The following SMYD3 variants were observed in gnomAD, a reference collection of about 807,000 sequenced individuals.
SMYD3 encodes the protein SET and MYND domain containing 3.
SMYD3 carries 36 observed loss-of-function variants against 57.7 expected under a neutral mutation model. That is an observed-to-expected ratio of 0.62 (90% confidence interval 0.48 to 0.82). The LOEUF is 0.82. Among genes scored for constraint, SMYD3 ranks in the 40% least tolerant of loss-of-function variants. The pLI, the probability that SMYD3 is intolerant of heterozygous loss-of-function variation, is 0.00. For missense variants in SMYD3, 515 were observed against 538.8 expected, an observed-to-expected ratio of 0.96 and a Z score of 0.44; for synonymous variants, 211 against 195.0, an observed-to-expected ratio of 1.08 and a Z score of -0.68.
intron 5 of SMYD3, among the ~76,000 whole-genome samples, chr1:246,213,538 C>T (rs1213213266): frequency 1.3e-5 from 2 of 152,162 alleles, no homozygotes; most frequent in Non-Finnish European, 2.9e-5. Flanking sequence ...ACAGAACATT[C>T]TCAGGCCCTG....
intron 1 of SMYD3, among the ~76,000 whole-genome samples, chr1:246,439,396 C>T (rs1259497246): frequency 6.6e-6 from 1 of 152,224 alleles, no homozygotes; most frequent in Non-Finnish European, 1.5e-5. Context: ...CATGTATCTT[C>T]ACCTTGGAAA....
At chr1:245,972,620 C>A (rs1276500324) in intron 5 of SMYD3, among the ~76,000 whole-genome samples, 1 of 152,240 alleles carries the variant, frequency 6.6e-6, no homozygotes, top group East Asian at 1.9e-4. Flanking sequence ...CCTCCCCCAA[C>A]CCCTGGAATC....
At chr1:246,033,491 A>G (rs1343526342) in intron 5 of SMYD3, among the ~76,000 whole-genome samples, 1 of 152,186 alleles carries the variant, frequency 6.6e-6, no homozygotes, top group Non-Finnish European at 1.5e-5. Context: ...TCAAATGTCA[A>G]AACATCAATG....
chr1:246,326,433 C>T, intron 5 of SMYD3: 1 of 670,376 alleles, frequency 1.5e-6, no homozygotes, highest in Non-Finnish European at 2.7e-6. Context: ...TCGCACTCTT[C>T]CTCCCTAGGC....
At chr1:246,185,870 T>C (rs2062632335) in intron 5 of SMYD3, among the ~76,000 whole-genome samples, 1 of 152,220 alleles carries the variant, frequency 6.6e-6, no homozygotes, top group Non-Finnish European at 1.5e-5. Flanking sequence ...TTTACATACA[T>C]AACATACTTT....
intron 11 of SMYD3, among the ~76,000 whole-genome samples, chr1:245,763,722 G>A (rs1034271455): frequency 6.6e-6 from 1 of 152,194 alleles, no homozygotes; most frequent in Admixed American, 6.5e-5. Context: ...CTTGCTAAAC[G>A]TGGAGAGGGC....
chr1:246,166,051 CCAGA>C (rs2062204354), intron 5 of SMYD3, among the ~76,000 whole-genome samples: 2 of 152,018 alleles, frequency 1.3e-5, no homozygotes, highest in South Asian at 4.2e-4. Flanking sequence ...ATTACCTACA[CCAGA>C]CAAACTGCTT....
At position 246,000,909 on chromosome 1, in the gene SMYD3, TACATTCC is replaced by T. The variant is rs1308907975; in HGVS notation, c.532-70979_532-70973del. Among the ~76,000 whole-genome samples, 5 of 152,366 alleles carry T rather than the reference TACATTCC, an allele frequency of 3.3e-5. 1 individual carries two copies. In the South Asian group the frequency reaches 1.0e-3, roughly 32 times the overall value. Reference sequence around the variant, plus strand: ...GTTTGGAAACAGAAGATCACATTTCTACATTCCACATAGATCGAAAGTCTAGCTAACT... The same window carrying T: ...GTTTGGAAACAGAAGATCACATTTCTACATAGATCGAAAGTCTAGCTAACT... On this transcript the variant is annotated intron_variant, in intron 5 of 11. Transcript: ENST00000490107.
chr1:246,109,338 A>T (rs1052666956), intron 5 of SMYD3, among the ~76,000 whole-genome samples: 12 of 152,228 alleles, frequency 7.9e-5, no homozygotes, highest in African/African-American at 2.9e-4. Context: ...ATTCATTACC[A>T]TATAACTGGA....
At chr1:246,200,274 C>A (rs1400113886) in intron 5 of SMYD3, among the ~76,000 whole-genome samples, 42 of 150,212 alleles carry the variant, frequency 2.8e-4, no homozygotes, top group South Asian at 4.3e-4. Flanking sequence ...AGTGTAGACG[C>A]TGAGCGAGAA....
At chr1:246,299,869 A>G (rs1005303698) in intron 5 of SMYD3, among the ~76,000 whole-genome samples, 2 of 151,292 alleles carry the variant, frequency 1.3e-5, no homozygotes, top group African/African-American at 4.9e-5. Flanking sequence ...AGGATCAGGA[A>G]AAACGACTAC....
At chr1:246,296,625 G>A (rs1157606353) in intron 5 of SMYD3, among the ~76,000 whole-genome samples, 1 of 151,932 alleles carries the variant, frequency 6.6e-6, no homozygotes, top group African/African-American at 2.4e-5. Flanking sequence ...CTCATTTTCT[G>A]TAAGTCATTT....
At chr1:246,474,433 C>A (rs1485003732) in intron 1 of SMYD3, among the ~76,000 whole-genome samples, 1 of 147,606 alleles carries the variant, frequency 6.8e-6, no homozygotes, top group African/African-American at 2.5e-5. Context: ...GCAGGAGAAT[C>A]GCTTGAACCC....
At chr1:246,417,147 G>A (rs373816955) in intron 1 of SMYD3, 49 of 152,232 alleles carry the variant, frequency 3.2e-4, no homozygotes, top group African/African-American at 1.1e-3. Context: ...ACAAACTACT[G>A]TCTGCTCCTT....
chr1:246,025,962 T>C (rs1215061698), intron 5 of SMYD3: 1 of 152,152 alleles, frequency 6.6e-6, no homozygotes, highest in African/African-American at 2.4e-5. Context: ...TAAAACACTG[T>C]CTCTACTAAA....
chr1:246,078,739 A>G (rs1187838219), intron 5 of SMYD3, among the ~76,000 whole-genome samples: 1 of 152,204 alleles, frequency 6.6e-6, no homozygotes, highest in Non-Finnish European at 1.5e-5. Flanking sequence ...GCTGAAGAAA[A>G]ACACCTAGCT....
At chr1:245,946,535 G>A (rs2057433630) in intron 5 of SMYD3, among the ~76,000 whole-genome samples, 1 of 152,164 alleles carries the variant, frequency 6.6e-6, no homozygotes, top group African/African-American at 2.4e-5. Context: ...TGAAAGAAAG[G>A]TAAGAGAACT....
Position 246,083,349 on chromosome 1 carries a change from G to A in SMYD3, c.532-153412C>T, listed in dbSNP as rs973801211. On this transcript the variant is annotated intron_variant, in intron 5 of 11. Transcript: ENST00000490107. ...TATGTATATGCACATCAAAAGCACAGCACTTTTTTCTCTAACTTGTTTATG... is the reference window on the plus strand; with the variant it reads ...TATGTATATGCACATCAAAAGCACAACACTTTTTTCTCTAACTTGTTTATG... Among the ~76,000 whole-genome samples, 13 of 152,188 alleles carry A rather than the reference G, an allele frequency of 8.5e-5. No homozygotes were observed. The South Asian group carries it at 2.5e-3, about 29-fold the overall frequency.
intron 5 of SMYD3, among the ~76,000 whole-genome samples, chr1:246,160,802 T>G (rs184894581): frequency 6.6e-6 from 1 of 152,272 alleles, no homozygotes; most frequent in East Asian, 1.9e-4. Flanking sequence ...CTCCTGTGGG[T>G]AAGCATTGGG....
Sources: gnomAD v4.1 joint callset for allele counts (sites outside exome capture counted in the v4.1 genomes callset) on GRCh38, gnomAD v4.1.1 for gene constraint, MANE v1.5 for transcripts, NCBI Gene and HGNC (gene_info 2026-07-23, HGNC 2026-07-21) for gene names.